Variants in PARVB observed in about 807,000 individuals in gnomAD.
The protein encoded by PARVB is beta-parvin.
In PARVB, 46 loss-of-function variants were observed where a neutral mutation model predicts 47.0. The observed-to-expected ratio is 0.98, with a 90% CI of 0.77 to 1.25. The LOEUF (loss-of-function observed/expected upper bound fraction) is 1.25, where lower values mean the gene tolerates loss of function less well. Ranked by LOEUF, PARVB falls within the 50% of genes most tolerant of loss-of-function variation. The pLI, the probability that PARVB is intolerant of heterozygous loss-of-function variation, is 0.00. For synonymous variants in PARVB, 196 were observed against 196.3 expected (o/e 1.00, Z 0.01); for missense variants, 473 against 471.6 (o/e 1.00, Z -0.03).
At chr22:44,055,678 C>CTCTATA (rs1438284048) in intron 1 of PARVB, among the ~76,000 whole-genome samples, 3,963 of 142,642 alleles carry the variant, frequency 0.028, 75 homozygotes, top group Middle Eastern at 0.064. Context: ...CTCTCTCTCT[C>CTCTATA]TATATATATA....
chr22:44,063,231 C>CT (rs71188427), intron 1 of PARVB, among the ~76,000 whole-genome samples: 36,820 of 143,896 alleles, frequency 0.26, 5,172 homozygotes, highest in African/African-American at 0.37. Flanking sequence ...CTTTTCTTTT[C>CT]TTTTTTTTTT....
At chr22:44,016,773 A>AT in intron 2 of PARVB, among the ~76,000 whole-genome samples, 1 of 152,124 alleles carries the variant, frequency 6.6e-6, no homozygotes, top group East Asian at 1.9e-4. Context: ...CAGGTGTGGA[A>AT]TTTTCCACTT....
At chr22:44,053,083 C>CTTT (rs1192961779) in intron 1 of PARVB, among the ~76,000 whole-genome samples, 2 of 137,588 alleles carry the variant, frequency 1.5e-5, no homozygotes, top group African/African-American at 5.3e-5. Context: ...TGTTACACAT[C>CTTT]TTTTTTTTTT....
intron 9 of PARVB, 191 bp downstream of exon 9, chr22:44,148,113 G>T (rs6006678): frequency 8.2e-6 from 5 of 607,990 alleles, no homozygotes; most frequent in Admixed American, 2.4e-5. Context: ...ACTCAACCTC[G>T]CTGCTCCCTG....
intron 2 of PARVB, among the ~76,000 whole-genome samples, chr22:44,018,129 C>G (rs1416268058): frequency 2.0e-5 from 3 of 152,168 alleles, no homozygotes; most frequent in Non-Finnish European, 4.4e-5. Context: ...CGGCCAGGCA[C>G]AGTGGCTCAC....
chr22:44,122,532 G>GAGAGAC (rs1569134389), intron 4 of PARVB, among the ~76,000 whole-genome samples: 3 of 97,284 alleles, frequency 3.1e-5, no homozygotes, highest in African/African-American at 5.6e-5. Context: ...GAGAGACAGA[G>GAGAGAC]AGAGAGAGAG....
chr22:44,034,022 A>C (rs2050871181), intron 1 of PARVB, among the ~76,000 whole-genome samples: 1 of 151,984 alleles, frequency 6.6e-6, no homozygotes, highest in African/African-American at 2.4e-5. Context: ...GCGGGGCCTC[A>C]TGCGCATATG....
chr22:44,021,756 GACTCACACACACACACACAC>G (rs1252294922), upstream of PARVB, among the ~76,000 whole-genome samples: 103 of 105,092 alleles, frequency 9.8e-4, no homozygotes, highest in South Asian at 1.4e-3. Context: ...GTAAAGTCTA[GACTCACACACACACACACAC>G]ACACACACAC....
Position 44,132,962 on chromosome 22 carries a change from C to T in PARVB, c.586C>T (p.Pro196Ser). Residue 196 changes from proline (P) to serine (S), a missense_variant, in exon 6 of 13, where the codon CCC becomes TCC. Transcript: ENST00000338758. ...LVSLAMHFRA[P>S]IRLPEHVTVQ... ...CTCTCTGGCCATGCACTTCAGGGCC[C>T]CCATCCGCCTTCCTGAGCATGTAAC... is the stretch of plus-strand genomic sequence containing the variant. 1 of 1,614,076 alleles carries T rather than the reference C, an allele frequency of 6.2e-7. No homozygotes were observed. The highest frequency in any genetic ancestry group is 8.5e-7 in the Non-Finnish European group (1 of 1,180,000).
chr22:44,083,008 TG>T (rs1055879725), intron 1 of PARVB, among the ~76,000 whole-genome samples: 13 of 152,030 alleles, frequency 8.6e-5, no homozygotes, highest in African/African-American at 3.1e-4. Context: ...GAGGTGAGGC[TG>T]GGGGGATGTT....
chr22:44,118,423 A>G (rs5764539), intron 3 of PARVB, among the ~76,000 whole-genome samples: 48,585 of 152,058 alleles, frequency 0.32, 7,946 homozygotes, highest in Middle Eastern at 0.48. Flanking sequence ...TGAGAATTCT[A>G]TCTCAATAAG....
intron 1 of PARVB, among the ~76,000 whole-genome samples, chr22:44,086,069 T>G (rs2052017574): frequency 6.6e-6 from 1 of 152,208 alleles, no homozygotes; most frequent in African/African-American, 2.4e-5. Flanking sequence ...TGAGCGATCC[T>G]TCCGGTTTGG....
chr22:44,095,411 G>A (rs2052278947), intron 2 of PARVB, among the ~76,000 whole-genome samples: 1 of 152,074 alleles, frequency 6.6e-6, no homozygotes, highest in South Asian at 2.1e-4. Flanking sequence ...GGCTGAGGCA[G>A]GAGAATCGCT....
upstream of PARVB, among the ~76,000 whole-genome samples, chr22:44,023,236 C>T (rs2050671909): frequency 6.6e-6 from 1 of 152,178 alleles, no homozygotes; most frequent in African/African-American, 2.4e-5. Flanking sequence ...CTAGGCTGGG[C>T]ATGGTGGCTC....
chr22:44,080,603 A>G (rs1453182189), intron 1 of PARVB, among the ~76,000 whole-genome samples: 1 of 152,172 alleles, frequency 6.6e-6, no homozygotes, highest in East Asian at 1.9e-4. Flanking sequence ...CACATCTGCA[A>G]ACTCCCTCTT....
At chr22:44,132,173 G>A (rs113892274) in intron 5 of PARVB, among the ~76,000 whole-genome samples, 3,292 of 152,252 alleles carry the variant, frequency 0.022, 107 homozygotes, top group African/African-American at 0.071. Flanking sequence ...AGGGCTCTCT[G>A]TGCTGGGCCA....
Position 44,067,952 on chromosome 22 carries a change from T to A in PARVB, c.113-25976T>A, listed in dbSNP as rs377583995. On this transcript the variant is annotated intron_variant, in intron 1 of 12. Coordinates refer to ENST00000338758, the MANE Select transcript of PARVB (RefSeq NM_013327.5). The stretch of plus-strand genomic sequence containing the variant: ...GGGTGACCGGCGGGTGAGCCCTCAC[T>A]GTTGATCCTGGCCTCGAATGGGAGA... Among the ~76,000 whole-genome samples the A allele has an allele frequency of 1.3e-4, 20 of 152,260 alleles. 2 individuals carry two copies. Among genetic ancestry groups the A allele is most frequent in the Admixed American group, 9.2e-4 (14 of 15,300 alleles).
At position 44,151,604 on chromosome 22, in the gene PARVB, G is replaced by A. The variant is rs1416229124; in HGVS notation, c.843+53G>A. 30 of 1,410,746 alleles carry A rather than the reference G, an allele frequency of 2.1e-5. No homozygotes were observed. In the Admixed American group the frequency reaches 4.4e-4, roughly 20 times the overall value. 87.4% of individuals were successfully genotyped at this position (1,410,746 alleles called of 1,614,324 possible). On this transcript the variant is annotated intron_variant, in intron 10 of 12. Transcript: ENST00000338758. ...CTTTGTCCACCGCCATTTTCAGTCA[G>A]TGTTTTGATCCCAGGTGGGGCGCGT...
At chr22:44,091,331 G>A (rs530279018) in intron 1 of PARVB, among the ~76,000 whole-genome samples, 5 of 139,390 alleles carry the variant, frequency 3.6e-5, no homozygotes, top group South Asian at 4.5e-4. Flanking sequence ...TAGGCATAAC[G>A]TAAACTTTAC....
Sources: gnomAD v4.1 joint callset for allele counts (sites outside exome capture counted in the v4.1 genomes callset) on GRCh38, gnomAD v4.1.1 for gene constraint, MANE v1.5 for transcripts, NCBI Gene and HGNC (gene_info 2026-07-23, HGNC 2026-07-21) for gene names.